Variants in IMMP2L observed in about 807,000 individuals in gnomAD.
IMMP2L encodes mitochondrial inner membrane protease subunit 2.
Under a neutral mutation model 19.3 loss-of-function variants are expected in IMMP2L, and 18 were observed. The ratio of observed to expected loss-of-function variants is 0.93; its 90% confidence interval spans 0.64 to 1.38. IMMP2L has a LOEUF of 1.38. IMMP2L is among the 40% of genes most tolerant of loss of function. The pLI, the probability that IMMP2L is intolerant of heterozygous loss-of-function variation, is 0.00. For synonymous variants in IMMP2L, 76 were observed against 73.0 expected, an observed-to-expected ratio of 1.04 and a Z score of -0.21; for missense variants, 233 against 218.2, an observed-to-expected ratio of 1.07 and a Z score of -0.43.
intron 3 of IMMP2L, among the ~76,000 whole-genome samples, chr7:111,189,678 A>C (rs1355190430): frequency 1.3e-5 from 2 of 152,134 alleles, no homozygotes; most frequent in African/African-American, 4.8e-5. Flanking sequence ...AATAAGGAGG[A>C]TATTTTTAAT....
chr7:111,004,102 T>C (rs1176031625), intron 3 of IMMP2L, among the ~76,000 whole-genome samples: 1 of 152,154 alleles, frequency 6.6e-6, no homozygotes, highest in African/African-American at 2.4e-5. Context: ...CTGTCTAGAT[T>C]TGAATGCTTG....
intron 3 of IMMP2L, among the ~76,000 whole-genome samples, chr7:111,120,753 G>A (rs1800497530): frequency 6.6e-6 from 1 of 152,098 alleles, no homozygotes; most frequent in Non-Finnish European, 1.5e-5. Context: ...AGGAGACTAT[G>A]GAGAGAAGTA....
chr7:111,514,093 A>G (rs1301414904), intron 2 of IMMP2L, among the ~76,000 whole-genome samples: 1 of 152,122 alleles, frequency 6.6e-6, no homozygotes, highest in East Asian at 1.9e-4. Context: ...TAGGATTAAT[A>G]ATTTCTGGAA....
intron 5 of IMMP2L, among the ~76,000 whole-genome samples, chr7:110,831,777 C>G (rs1803990880): frequency 6.6e-6 from 1 of 152,170 alleles, no homozygotes; most frequent in Non-Finnish European, 1.5e-5. Flanking sequence ...CATTTGTTCT[C>G]TAGACATTTG....
Position 111,495,115 on chromosome 7 carries a change from T to C in IMMP2L, c.136-7774A>G, listed in dbSNP as rs185670948. 2.4e-3 allele frequency among the ~76,000 whole-genome samples: 366 copies of C among 152,272 alleles called. 3 individuals are homozygous for C. Among genetic ancestry groups the C allele is most frequent in the African/African-American group, 8.4e-3 (349 of 41,570 alleles). ...TTTACACCCGTTATGTTTTACATTC[T>C]TATTTTTAAAACATATACACACATA... On this transcript the variant is annotated intron_variant, in intron 2 of 5. Transcript: ENST00000405709.
chr7:111,429,312 A>C (rs1178664626), intron 3 of IMMP2L, among the ~76,000 whole-genome samples: 3 of 151,856 alleles, frequency 2.0e-5, no homozygotes, highest in Middle Eastern at 3.2e-3. Flanking sequence ...AATCTCCAGA[A>C]ACAATTAACC....
chr7:111,252,259 C>A (rs1268687601), intron 3 of IMMP2L, among the ~76,000 whole-genome samples: 2 of 152,004 alleles, frequency 1.3e-5, no homozygotes, highest in Non-Finnish European at 2.9e-5. Flanking sequence ...CATCAACCAA[C>A]AAGCGGAAAC....
intron 3 of IMMP2L, among the ~76,000 whole-genome samples, chr7:110,989,584 G>C (rs576520981): frequency 2.0e-5 from 3 of 149,484 alleles, no homozygotes; most frequent in African/African-American, 7.3e-5. Flanking sequence ...AGTATTGGTA[G>C]TATAGGTTAA....
intron 5 of IMMP2L, among the ~76,000 whole-genome samples, chr7:110,827,510 T>A (rs1304798533): frequency 6.6e-6 from 1 of 152,174 alleles, no homozygotes; most frequent in African/African-American, 2.4e-5. Context: ...AATAAGATAT[T>A]GTCCTCACTT....
At position 111,467,561 on chromosome 7, in the gene IMMP2L, T is replaced by C. The variant is rs948018070; in HGVS notation, c.239+19677A>G. Among the ~76,000 whole-genome samples, 13 of 152,312 alleles carry C rather than the reference T, an allele frequency of 8.5e-5. No individual in the cohort carries two copies. The East Asian group carries it at 2.5e-3, about 29-fold the overall frequency. On this transcript the variant is annotated intron_variant, in intron 3 of 5. Coordinates refer to ENST00000405709, the MANE Select transcript of IMMP2L (RefSeq NM_032549.4). ...ATATTGAAAACAATATGCCAACTCCTGAGTTCATGTCTAGACTTCCTCGGG... is the reference window on the plus strand; with the variant it reads ...ATATTGAAAACAATATGCCAACTCCCGAGTTCATGTCTAGACTTCCTCGGG...
intron 3 of IMMP2L, among the ~76,000 whole-genome samples, chr7:111,290,916 T>C (rs1000989867): frequency 2.0e-5 from 3 of 151,382 alleles, no homozygotes; most frequent in Non-Finnish European, 4.4e-5. Flanking sequence ...TCCAAAACAG[T>C]AGAGATTTTT....
chr7:111,109,863 C>T (rs189366208), intron 3 of IMMP2L, among the ~76,000 whole-genome samples: 127 of 152,188 alleles, frequency 8.3e-4, no homozygotes, highest in African/African-American at 2.8e-3. Flanking sequence ...GGGCTGGGCG[C>T]GGTGGCTCAT....
rs183184402 is a variant in IMMP2L, at chr7:110,821,611, T to G, written c.408+64982A>C. 2.7e-3 allele frequency among the ~76,000 whole-genome samples: 415 copies of G among 152,032 alleles called. 3 individuals are homozygous for G. Among genetic ancestry groups the G allele is most frequent in the African/African-American group, 9.4e-3 (391 of 41,510 alleles). ...ACAAAGTCAAGCTGCTTTAAATCCC[T>G]TATAGAAAAAGGAAAGGTAGGCTGG... On this transcript the variant is annotated intron_variant, in intron 5 of 5. Coordinates refer to ENST00000405709, the MANE Select transcript of IMMP2L (RefSeq NM_032549.4).
In IMMP2L at chr7:110,758,847, C is replaced by A. The variant is rs1196248230; in HGVS notation, c.409-95126G>T. On this transcript the variant is annotated intron_variant, in intron 5 of 5. Transcript: ENST00000405709. The surrounding 1 kb of genome is among the most constrained non-coding windows in gnomAD (Gnocchi z 4.6). The stretch of plus-strand genomic sequence containing the variant: ...AATGAGTTATATAAGTAAACCTCCC[C>A]AGGTGCCAAATCTCTCTGACATTGC... Among the ~76,000 whole-genome samples the A allele has an allele frequency of 6.6e-6, 1 of 152,020 alleles. No homozygotes were observed. The highest frequency in any genetic ancestry group is 1.5e-5 in the Non-Finnish European group (1 of 67,994).
intron 5 of IMMP2L, among the ~76,000 whole-genome samples, chr7:110,882,296 C>CCTTA (rs1361951870): frequency 7.0e-4 from 62 of 88,408 alleles, no homozygotes; most frequent in African/African-American, 2.4e-3. Context: ...TGCCTTCCTT[C>CCTTA]CTTCCTTCCT....
chr7:110,988,007 G>C (rs1181908095), intron 3 of IMMP2L, among the ~76,000 whole-genome samples: 4 of 152,044 alleles, frequency 2.6e-5, no homozygotes, highest in Admixed American at 1.3e-4. Context: ...AATGGAGAAA[G>C]GAAAAAGGTA....
intron 3 of IMMP2L, among the ~76,000 whole-genome samples, chr7:111,406,802 C>A (rs1470656663): frequency 1.3e-5 from 2 of 152,008 alleles, no homozygotes; most frequent in African/African-American, 2.4e-5. Flanking sequence ...CTCTAAGATT[C>A]TGGGATTTGC....
intron 3 of IMMP2L, among the ~76,000 whole-genome samples, chr7:111,059,990 C>T (rs539138122): frequency 2.5e-4 from 38 of 151,558 alleles, no homozygotes; most frequent in Non-Finnish European, 4.9e-4. Context: ...GTAGCCAATG[C>T]TGTCTCATTA....
At chr7:111,412,251 A>T (rs1178374688) in intron 3 of IMMP2L, among the ~76,000 whole-genome samples, 1 of 151,908 alleles carries the variant, frequency 6.6e-6, no homozygotes, top group East Asian at 1.9e-4. Context: ...AATTGACAGA[A>T]CAAAGAGACC....
Sources: allele counts gnomAD v4.1 joint callset (sites outside exome capture counted in the v4.1 genomes callset), GRCh38; gene constraint gnomAD v4.1.1; non-coding constraint Gnocchi (gnomAD v3.1); transcripts MANE v1.5; gene names NCBI Gene and HGNC (gene_info 2026-07-23, HGNC 2026-07-21).